DAB2IP: variants seen among roughly 807,000 people sequenced by gnomAD.
The protein encoded by DAB2IP is disabled homolog 2-interacting protein.
A neutral mutation model predicts 107.2 loss-of-function variants in DAB2IP; 28 were observed. The observed-to-expected ratio is 0.26, with a 90% confidence interval of 0.19 to 0.36. The LOEUF is 0.36. DAB2IP is among the 10% of genes least tolerant of loss of function. The pLI, the probability that DAB2IP is intolerant of heterozygous loss-of-function variation, is 1.00. For synonymous variants in DAB2IP, 755 were observed against 706.4 expected, an observed-to-expected ratio of 1.07 and a Z score of -1.09; for missense variants, 1,400 against 1,644.7, an observed-to-expected ratio of 0.85 and a Z score of 2.57.
chr9:121,735,713 C>A (rs1831851231), intron 3 of DAB2IP, among the ~76,000 whole-genome samples: 1 of 152,098 alleles, frequency 6.6e-6, no homozygotes, highest in African/African-American at 2.4e-5. Context: ...GGTATGATAC[C>A]CTGCATGTGG....
intron 4 of DAB2IP, 121 bp from the exon 5 acceptor site, chr9:121,758,777 C>A: frequency 1.2e-6 from 1 of 821,530 alleles, no homozygotes; most frequent in Non-Finnish European, 2.0e-6. Flanking sequence ...TGGCTCCTTC[C>A]TGAAGCTGTG....
chr9:121,695,665 G>T (rs957625830), intron 2 of DAB2IP, among the ~76,000 whole-genome samples: 1 of 152,052 alleles, frequency 6.6e-6, no homozygotes, highest in Non-Finnish European at 1.5e-5. Context: ...GTGGCTAGGG[G>T]GTCATAGTCT....
intron 2 of DAB2IP, among the ~76,000 whole-genome samples, chr9:121,687,998 C>T (rs1196626000): frequency 6.6e-6 from 1 of 151,904 alleles, no homozygotes; most frequent in Non-Finnish European, 1.5e-5. Flanking sequence ...CATCTCTCTG[C>T]CTTATCTTGT....
rs573328537 is a variant in DAB2IP at position 121,753,971 on chromosome 9, A to T, written c.363-3042A>T. Among the ~76,000 whole-genome samples the T allele has an allele frequency of 3.3e-5, 5 of 152,246 alleles. No homozygotes were observed. The South Asian group carries it at 1.0e-3, about 32-fold the overall frequency. ...GAGGTGAAAAAGGAAGTGGCCCAAC[A>T]ATGCCAGCATGGGATGAAGCCAGGG... On this transcript the variant is annotated intron_variant, in intron 3 of 15. Transcript: ENST00000408936.
intron 1 of DAB2IP, among the ~76,000 whole-genome samples, chr9:121,593,736 C>T (rs1347197499): frequency 3.4e-5 from 5 of 145,110 alleles, no homozygotes; most frequent in Admixed American, 7.1e-5. Flanking sequence ...GGCATAATCT[C>T]GGCTCACTGC....
intron 1 of DAB2IP, among the ~76,000 whole-genome samples, chr9:121,567,686 T>C (rs185590004): frequency 1.3e-5 from 2 of 152,298 alleles, no homozygotes; most frequent in Admixed American, 6.5e-5. Flanking sequence ...GCACTCCCCG[T>C]GTGACAGGGC....
chr9:121,685,930 G>A (rs375159275), intron 2 of DAB2IP, among the ~76,000 whole-genome samples: 16 of 152,232 alleles, frequency 1.1e-4, no homozygotes, highest in Admixed American at 2.0e-4. Context: ...GAATGGAAGC[G>A]ACAAGAGATC....
chr9:121,774,372 A>G, exon 13 of DAB2IP: 2 of 1,612,734 alleles, frequency 1.2e-6, no homozygotes, highest in Admixed American at 3.3e-5. Flanking sequence ...CCCCACAGGG[A>G]TAGGCTAAGG....
At position 121,770,744 on chromosome 9, in the gene DAB2IP, T is replaced by TTGGGTGTGG; in HGVS notation, c.2078+27_2078+35dup. 1 of 1,612,040 alleles carries TTGGGTGTGG rather than the reference T, an allele frequency of 6.2e-7. No homozygotes were observed. Among genetic ancestry groups the TTGGGTGTGG allele is most frequent in the Non-Finnish European group, 8.5e-7 (1 of 1,178,826 alleles). The stretch of plus-strand genomic sequence containing the variant: ...TTCCGGGTAAGAGCTGCCAGCCATG[T>TTGGGTGTGG]TGGGTGTGGTGGGTGCGTGTGCAGA... On this transcript the variant is annotated intron_variant, in intron 11 of 15. Coordinates refer to ENST00000408936, the Ensembl canonical transcript of DAB2IP.
chr9:121,782,984 CT>C lies in DAB2IP; in HGVS notation c.*488del. ...AGGCCCTGTCATGTGGGACCTGGCA[CT>C]TGGCAGATCAGTTGGCAGGCAGGAA... On this transcript the variant is annotated 3_prime_UTR_variant, in exon 16 of 16. Transcript: ENST00000408936. The surrounding 1 kb of genome is among the most constrained non-coding windows in gnomAD (Gnocchi z 6.1). 9.8e-7 allele frequency: 1 copy of C among 1,020,450 alleles called. No individual in the cohort carries two copies. The highest frequency in any genetic ancestry group is 1.2e-6 in the Non-Finnish European group (1 of 850,850). The allele number at this position is 1,020,450 out of a possible 1,614,324, so 63.2% of individuals were successfully genotyped here.
Position 121,641,960 on chromosome 9 carries a change from TTCTC to T in DAB2IP, c.41-36708_41-36705del, listed in dbSNP as rs72270529. On this transcript the variant is annotated intron_variant, in intron 1 of 16. Coordinates refer to the DAB2IP transcript ENST00000259371. ...TTCTCTCTTTCTTTCCTTTCTTTCT[TTCTC>T]TCTCTCTCTTTCTTTCTTTCTTTCT... is the stretch of plus-strand genomic sequence containing the variant. Among the ~76,000 whole-genome samples the T allele has an allele frequency of 4.9e-3, 544 of 110,182 alleles. 23 individuals are homozygous for T. The highest frequency in any genetic ancestry group is 0.041 in the Admixed American group (420 of 10,166). The allele number at this position is 110,182 out of a possible 152,430, so 72.3% of individuals were successfully genotyped here. A position where few individuals can be genotyped will look rare whatever the true frequency, so the allele number is the denominator to read the frequency against.
At chr9:121,785,120 C>T (rs570462232) in exon 16 of DAB2IP, 5 of 152,800 alleles carry the variant, frequency 3.3e-5, no homozygotes, top group South Asian at 2.1e-4. Context: ...TGCCAAACCT[C>T]CTGTCAGTGA....
chr9:121,582,038 T>C (rs883094), intron 1 of DAB2IP, among the ~76,000 whole-genome samples: 42,077 of 151,992 alleles, frequency 0.28, 7,225 homozygotes, highest in African/African-American at 0.48. Context: ...TTCACCACGG[T>C]TGGGGGCCGT....
At chr9:121,688,003 T>C (rs1417697821) in intron 2 of DAB2IP, among the ~76,000 whole-genome samples, 1 of 151,924 alleles carries the variant, frequency 6.6e-6, no homozygotes, top group Admixed American at 6.6e-5. Context: ...CTCTGCCTTA[T>C]CTTGTCCTGC....
intron 1 of DAB2IP, among the ~76,000 whole-genome samples, chr9:121,611,226 A>G (rs1025464759): frequency 6.6e-6 from 1 of 152,212 alleles, no homozygotes; most frequent in African/African-American, 2.4e-5. Context: ...TGGCTGCCTC[A>G]GCCTCCCAAA....
exon 1 of DAB2IP, chr9:121,567,116 G>A: frequency 4.4e-6 from 7 of 1,594,346 alleles, no homozygotes; most frequent in Non-Finnish European, 6.0e-6. Context: ...TACAAAAGGA[G>A]GAACCCAGAC....
chr9:121,654,818 G>T (rs1328577421), intron 1 of DAB2IP, among the ~76,000 whole-genome samples: 1 of 152,198 alleles, frequency 6.6e-6, no homozygotes, highest in Non-Finnish European at 1.5e-5. Context: ...GCCTGGATCA[G>T]ACTCTTGCCC....
chr9:121,781,937 G>T (rs963704971), intron 15 of DAB2IP, among the ~76,000 whole-genome samples: 1 of 152,130 alleles, frequency 6.6e-6, no homozygotes, highest in Non-Finnish European at 1.5e-5. Context: ...AGGCTCTGTG[G>T]CCCCAGCCTC....
intron 2 of DAB2IP, among the ~76,000 whole-genome samples, chr9:121,694,163 G>C (rs1260691091): frequency 6.6e-6 from 1 of 152,168 alleles, no homozygotes. Flanking sequence ...CTGGGGCTGA[G>C]TGTGGGGAGG....
Sources: gnomAD v4.1 joint callset for allele counts (sites outside exome capture counted in the v4.1 genomes callset) on GRCh38, gnomAD v4.1.1 for gene constraint, Gnocchi (gnomAD v3.1) non-coding constraint, MANE v1.5 for transcripts, NCBI Gene and HGNC (gene_info 2026-07-23, HGNC 2026-07-21) for gene names.